The following ZNF541 variants were observed in gnomAD, a reference collection of about 807,000 sequenced individuals.
The protein encoded by ZNF541 is zinc finger protein 541.
Under a neutral mutation model 123.5 loss-of-function variants are expected in ZNF541, and 23 were observed. That is an observed-to-expected ratio of 0.19 (90% CI 0.13 to 0.26). The LOEUF (loss-of-function observed/expected upper bound fraction) is 0.26. Ranked by LOEUF, ZNF541 falls within the 10% of genes least tolerant of loss-of-function variation. ZNF541 has a pLI of 1.00. For missense variants in ZNF541, 1,612 were observed against 1,789.9 expected, an observed-to-expected ratio of 0.90 and a Z score of 1.79; for synonymous variants, 751 against 754.5, an observed-to-expected ratio of 1.00 and a Z score of 0.08.
intron 3 of ZNF541, among the ~76,000 whole-genome samples, chr19:47,553,566 A>G (rs1970695573): frequency 6.6e-6 from 1 of 151,712 alleles, no homozygotes; most frequent in Non-Finnish European, 1.5e-5. Flanking sequence ...GTACCACCAC[A>G]CCCAGATAAT....
chr19:47,552,615 C>T (rs912348876), intron 3 of ZNF541, among the ~76,000 whole-genome samples: 1 of 150,546 alleles, frequency 6.6e-6, no homozygotes, highest in Non-Finnish European at 1.5e-5. Flanking sequence ...CAGTGGCGGG[C>T]GCCTGTGGTC....
At chr19:47,543,166 G>C (rs1361119373) in intron 5 of ZNF541, among the ~76,000 whole-genome samples, 3 of 152,050 alleles carry the variant, frequency 2.0e-5, no homozygotes, top group Non-Finnish European at 2.9e-5. Flanking sequence ...GAATAATAAA[G>C]ATGTTAACAA....
intron 2 of ZNF541, among the ~76,000 whole-genome samples, chr19:47,568,817 G>C (rs564090806): frequency 4.6e-5 from 7 of 152,008 alleles, no homozygotes; most frequent in Admixed American, 4.6e-4. Flanking sequence ...GACTACAGGT[G>C]CACACCACCA....
Position 47,544,980 on chromosome 19 carries a change from C to G in ZNF541, c.1549G>C (p.Gly517Arg). Reference protein sequence around the residue: ...DCDSFLCQNPGEPGLQEAQKA... With the variant: ...DCDSFLCQNPREPGLQEAQKA... ...TGGGCCTCCTGGAGGCCGGGCTCCC[C>G]GGGGTTCTGGCACAGGAAGGAGTCG... The change falls in exon 5 of 17, where the codon GGG becomes CGG. Residue 517 changes from glycine to arginine, a missense_variant. This residue lies in a region of ZNF541 where 1,080 missense variants were observed against 1,013.8 expected (regional missense o/e 1.07). Coordinates refer to ENST00000391901, the MANE Select transcript of ZNF541 (RefSeq NM_001277075.3). 6.5e-7 allele frequency: 1 copy of G among 1,530,934 alleles called. No individual in the cohort carries two copies. The allele number at this position is 1,530,934 out of a possible 1,614,324, so 94.8% of individuals were successfully genotyped here. A position where few individuals can be genotyped will look rare whatever the true frequency, so the allele number is the denominator to read the frequency against.
At chr19:47,551,632 G>T (rs1356360093) in intron 3 of ZNF541, among the ~76,000 whole-genome samples, 1 of 151,936 alleles carries the variant, frequency 6.6e-6, no homozygotes, top group Non-Finnish European at 1.5e-5. Flanking sequence ...TCTAAGTCCT[G>T]GTCTCAAGTG....
chr19:47,570,728 A>G (rs1971447488), intron 2 of ZNF541, among the ~76,000 whole-genome samples: 1 of 152,064 alleles, frequency 6.6e-6, no homozygotes, highest in South Asian at 2.1e-4. Context: ...TAAAGTTTAC[A>G]TAAACAAAAA....
intron 2 of ZNF541, among the ~76,000 whole-genome samples, chr19:47,570,609 TG>T (rs1971442887): frequency 6.7e-6 from 1 of 150,346 alleles, no homozygotes; most frequent in Non-Finnish European, 1.5e-5. Flanking sequence ...AAGCGCATTT[TG>T]TTTTTTTGTT....
intron 2 of ZNF541, among the ~76,000 whole-genome samples, chr19:47,565,446 C>T (rs149433987): frequency 2.0e-5 from 3 of 152,288 alleles, no homozygotes; most frequent in Admixed American, 1.3e-4. Context: ...AAAAGGACTA[C>T]TTAATTGCTT....
chr19:47,531,352 C>G (rs192274900), intron 12 of ZNF541, among the ~76,000 whole-genome samples: 7 of 151,720 alleles, frequency 4.6e-5, no homozygotes, highest in African/African-American at 1.7e-4. Context: ...GAATGCAGGG[C>G]CTGAGCTGGG....
intron 3 of ZNF541, among the ~76,000 whole-genome samples, chr19:47,551,165 C>G (rs1472956291): frequency 1.3e-5 from 2 of 150,964 alleles, no homozygotes; most frequent in East Asian, 3.9e-4. Flanking sequence ...TCAGCCTCTG[C>G]AGTAGCTGGG....
At chr19:47,555,520 AG>A (rs1490598029) in intron 3 of ZNF541, 29 bp downstream of exon 3, 2 of 1,502,244 alleles carry the variant, frequency 1.3e-6, no homozygotes, top group South Asian at 1.3e-5. Context: ...AACATCCTGC[AG>A]GGCCCTTCTA....
intron 3 of ZNF541, 68 bp downstream of exon 3, chr19:47,555,482 A>T: frequency 1.4e-6 from 2 of 1,431,326 alleles, no homozygotes; most frequent in Non-Finnish European, 1.8e-6. Flanking sequence ...ATGCAGAATC[A>T]GTCCCTAGCT....
intron 14 of ZNF541, among the ~76,000 whole-genome samples, chr19:47,524,035 G>A (rs1969173160): frequency 1.3e-5 from 2 of 152,314 alleles, no homozygotes; most frequent in South Asian, 4.1e-4. Flanking sequence ...CACAGCCAGA[G>A]TGGGAAATTT....
At chr19:47,559,738 T>C (rs983511542) in intron 2 of ZNF541, among the ~76,000 whole-genome samples, 1 of 151,312 alleles carries the variant, frequency 6.6e-6, no homozygotes, top group South Asian at 2.1e-4. Flanking sequence ...TAGTCCCAGC[T>C]ACTTGCGAGG....
At chr19:47,563,566 C>T (rs1346886701) in intron 2 of ZNF541, among the ~76,000 whole-genome samples, 1 of 152,116 alleles carries the variant, frequency 6.6e-6, no homozygotes, top group African/African-American at 2.4e-5. Context: ...AAAAACCCAT[C>T]TCCCCCTGCA....
At position 47,545,436 on chromosome 19, in the gene ZNF541, G is replaced by A; in HGVS notation, c.1093C>T (p.Pro365Ser). 6.8e-7 allele frequency: 1 copy of A among 1,477,838 alleles called. No individual in the cohort carries two copies. Among genetic ancestry groups the A allele is most frequent in the Admixed American group, 2.6e-5 (1 of 39,146 alleles). 91.5% of individuals were successfully genotyped at this position (1,477,838 alleles called of 1,614,324 possible). A position where few individuals can be genotyped will look rare whatever the true frequency, so the allele number is the denominator to read the frequency against. The change falls in exon 5 of 17, where the codon CCG (proline) becomes TCG (serine). Residue 365 changes from proline to serine, a missense_variant. By Grantham distance (74) the Pro-to-Ser change is moderately conservative. Transcript: ENST00000391901. This position sits in a 1 kb window ranked among gnomAD's most constrained non-coding sequence, Gnocchi z 7.5. ...GCGGTATCTGGCTCCGGCTCTGGCG[G>A]GTCGGGGGCGCCGTTCTCGGCGGCC... ...SRAAENGAPD[P>S]PEPEPDTALL...
chr19:47,553,641 T>A (rs1970698332), intron 3 of ZNF541, among the ~76,000 whole-genome samples: 1 of 152,040 alleles, frequency 6.6e-6, no homozygotes, highest in South Asian at 2.1e-4. Context: ...CCTGACCTCA[T>A]GATCCGCCTG....
At chr19:47,539,297 C>CTTTTTT (rs1001789975) in intron 8 of ZNF541, among the ~76,000 whole-genome samples, 2 of 125,838 alleles carry the variant, frequency 1.6e-5, no homozygotes, top group Admixed American at 8.2e-5. Context: ...TCAAGATTTT[C>CTTTTTT]TTTTTTTTTT....
At chr19:47,548,173 G>A (rs954317994) in intron 4 of ZNF541, among the ~76,000 whole-genome samples, 78 of 151,202 alleles carry the variant, frequency 5.2e-4, no homozygotes, top group Non-Finnish European at 5.9e-4. Context: ...GGCCGGGTGC[G>A]GTGGCTCACG....
Sources: allele counts gnomAD v4.1 joint callset (sites outside exome capture counted in the v4.1 genomes callset), GRCh38; gene constraint gnomAD v4.1.1; regional missense constraint gnomAD v4.1.1; non-coding constraint Gnocchi (gnomAD v3.1); transcripts MANE v1.5; gene names NCBI Gene and HGNC (gene_info 2026-07-23, HGNC 2026-07-21).